The following DENND1A variants were observed in gnomAD, a reference collection of about 807,000 sequenced individuals.
DENND1A encodes the protein DENN domain-containing protein 1A.
A neutral mutation model predicts 113.7 loss-of-function variants in DENND1A; 51 were observed. The ratio of observed to expected loss-of-function variants is 0.45; its 90% CI spans 0.36 to 0.57. The LOEUF is 0.57. Among genes scored for constraint, DENND1A ranks in the 20% least tolerant of loss-of-function variants. The probability of loss-of-function intolerance (pLI) is 0.00; values close to 1 mark genes in which losing one functional copy is unlikely to be tolerated. For missense variants in DENND1A, 1,258 were observed against 1,395.9 expected (o/e 0.90, Z 1.57); for synonymous variants, 565 against 570.8 (o/e 0.99, Z 0.14).
rs1048620635 is a variant in DENND1A at position 123,381,180 on chromosome 9, C to G, written c.*252G>C. 1.3e-5 allele frequency: 7 copies of G among 553,268 alleles called. No individual in the cohort carries two copies. Among genetic ancestry groups the G allele is most frequent in the Non-Finnish European group, 1.9e-5 (6 of 308,254 alleles). 34.3% of individuals were successfully genotyped at this position (553,268 alleles called of 1,614,324 possible). ...TAGTGCAAAACCCAATCAAGGGTGC[C>G]GAGGAGAGGCAACCGCGGGGTGGGA... is the stretch of plus-strand genomic sequence containing the variant. On this transcript the variant is annotated 3_prime_UTR_variant, in exon 24 of 24. Transcript: ENST00000394215. The surrounding 1 kb of genome is among the most constrained non-coding windows in gnomAD (Gnocchi z 4.7).
intron 5 of DENND1A, among the ~76,000 whole-genome samples, chr9:123,705,068 TAAAAA>T (rs34013646): frequency 6.8e-6 from 1 of 147,104 alleles, no homozygotes; most frequent in African/African-American, 2.4e-5. Flanking sequence ...AAGATGAATT[TAAAAA>T]AAAAAAACAA....
chr9:123,719,593 TATCTGAA>T (rs2067203692), intron 5 of DENND1A, among the ~76,000 whole-genome samples: 1 of 152,240 alleles, frequency 6.6e-6, no homozygotes, highest in South Asian at 2.1e-4. Flanking sequence ...TGAGTTGTCT[TATCTGAA>T]ATGCCTGGGA....
intron 13 of DENND1A, 72 bp from the exon 14 acceptor site, chr9:123,457,969 G>A: frequency 8.4e-7 from 1 of 1,197,104 alleles, no homozygotes; most frequent in Admixed American, 2.4e-5. Flanking sequence ...ATTCCTATTT[G>A]CAGAGTTTCT....
At chr9:123,548,391 TA>T (rs1187560249) in intron 13 of DENND1A, among the ~76,000 whole-genome samples, 1 of 152,204 alleles carries the variant, frequency 6.6e-6, no homozygotes, top group Admixed American at 6.5e-5. Flanking sequence ...TACCGGAAAA[TA>T]AAACAAATGT....
intron 2 of DENND1A, among the ~76,000 whole-genome samples, chr9:123,873,548 T>G (rs1368448408): frequency 6.6e-6 from 1 of 152,242 alleles, no homozygotes; most frequent in East Asian, 1.9e-4. Flanking sequence ...TGGTTTGAAG[T>G]ACCTGATCAC....
chr9:123,919,790 G>T (rs750353134), intron 1 of DENND1A, among the ~76,000 whole-genome samples: 1 of 150,342 alleles, frequency 6.7e-6, no homozygotes, highest in Non-Finnish European at 1.5e-5. Context: ...GCTGAGGCAC[G>T]AGAATCACTT....
At chr9:123,801,429 GTTCA>G (rs1384414965) in intron 2 of DENND1A, among the ~76,000 whole-genome samples, 2 of 152,274 alleles carry the variant, frequency 1.3e-5, no homozygotes, top group Non-Finnish European at 2.9e-5. Flanking sequence ...TGTCTTCAGG[GTTCA>G]TTCATGATGT....
chr9:123,518,612 T>G (rs985778534), intron 13 of DENND1A, among the ~76,000 whole-genome samples: 1 of 152,138 alleles, frequency 6.6e-6, no homozygotes, highest in Non-Finnish European at 1.5e-5. Flanking sequence ...AAAAAATGAC[T>G]GTCTAGGCAT....
intron 2 of DENND1A, among the ~76,000 whole-genome samples, chr9:123,804,532 T>G (rs1210744758): frequency 6.6e-6 from 1 of 152,200 alleles, no homozygotes; most frequent in Non-Finnish European, 1.5e-5. Flanking sequence ...TGGTCCTCTT[T>G]CAGTCCCATC....
At chr9:123,388,275 G>A (rs1302942523) in intron 21 of DENND1A, among the ~76,000 whole-genome samples, 2 of 152,186 alleles carry the variant, frequency 1.3e-5, no homozygotes, top group Non-Finnish European at 2.9e-5. Flanking sequence ...AGATCAGGAT[G>A]CAGAACTGCA....
chr9:123,738,553 C>A (rs1476607826), intron 5 of DENND1A, among the ~76,000 whole-genome samples: 1 of 151,806 alleles, frequency 6.6e-6, no homozygotes, highest in African/African-American at 2.4e-5. Flanking sequence ...ATACTTTTCT[C>A]TTCCCTCTTT....
chr9:123,789,909 C>T (rs1832744945), intron 3 of DENND1A, among the ~76,000 whole-genome samples: 2 of 151,944 alleles, frequency 1.3e-5, no homozygotes, highest in Admixed American at 6.6e-5. Context: ...TGTGCTGGTA[C>T]ATGGGAAATA....
intron 13 of DENND1A, among the ~76,000 whole-genome samples, chr9:123,479,781 C>A (rs931351899): frequency 1.3e-5 from 2 of 152,244 alleles, no homozygotes; most frequent in Non-Finnish European, 2.9e-5. Flanking sequence ...AAGGATCAAA[C>A]GAATCTTCCA....
intron 13 of DENND1A, among the ~76,000 whole-genome samples, chr9:123,547,569 T>C (rs190983012): frequency 8.3e-4 from 126 of 152,306 alleles, no homozygotes; most frequent in Non-Finnish European, 1.5e-3. Flanking sequence ...TTTAAATGAC[T>C]CTGATTTTCA....
At chr9:123,392,118 C>T (rs1191829358) in intron 21 of DENND1A, among the ~76,000 whole-genome samples, 2 of 152,174 alleles carry the variant, frequency 1.3e-5, no homozygotes, top group Non-Finnish European at 2.9e-5. Context: ...CGAGGCTGTT[C>T]CTTTTTAAAT....
chr9:123,562,418 A>T (rs2057811405), intron 12 of DENND1A, among the ~76,000 whole-genome samples: 1 of 152,194 alleles, frequency 6.6e-6, no homozygotes, highest in Non-Finnish European at 1.5e-5. Flanking sequence ...CTCACCAGGA[A>T]ATATCACATA....
At chr9:123,436,737 T>G (rs776896014) in intron 19 of DENND1A, among the ~76,000 whole-genome samples, 5 of 152,150 alleles carry the variant, frequency 3.3e-5, no homozygotes, top group African/African-American at 7.2e-5. Flanking sequence ...GAGTTCAGTT[T>G]GTTGACAAAA....
At chr9:123,574,169 T>A (rs2058505756) in intron 12 of DENND1A, among the ~76,000 whole-genome samples, 1 of 147,108 alleles carries the variant, frequency 6.8e-6, no homozygotes, top group Non-Finnish European at 1.5e-5. Flanking sequence ...TGGTCTGTAG[T>A]TGCCTTTTTT....
At chr9:123,508,601 C>G in intron 13 of DENND1A, among the ~76,000 whole-genome samples, 1 of 152,172 alleles carries the variant, frequency 6.6e-6, no homozygotes, top group South Asian at 2.1e-4. Flanking sequence ...TCGCTAATTG[C>G]ACATCTTCAG....
Sources: allele counts gnomAD v4.1 joint callset (sites outside exome capture counted in the v4.1 genomes callset), GRCh38; gene constraint gnomAD v4.1.1; non-coding constraint Gnocchi (gnomAD v3.1); transcripts MANE v1.5; gene names NCBI Gene and HGNC (gene_info 2026-07-23, HGNC 2026-07-21).